The following FLI1 variants were observed in gnomAD, a reference collection of about 807,000 sequenced individuals.
The protein encoded by FLI1 is Fli-1 proto-oncogene, ETS transcription factor, also known as Friend leukemia integration 1 transcription factor.
FLI1 carries 13 observed loss-of-function variants against 53.1 expected under a neutral mutation model. The ratio of observed to expected loss-of-function variants is 0.24; its 90% CI spans 0.16 to 0.39. The LOEUF is 0.39. Among genes scored for constraint, FLI1 ranks in the 10% least tolerant of loss-of-function variants. The pLI, the probability that FLI1 is intolerant of heterozygous loss-of-function variation, is 1.00. For synonymous variants in FLI1, 244 were observed against 236.7 expected (o/e 1.03, Z -0.28); for missense variants, 424 against 600.5 (o/e 0.71, Z 3.07).
Position 128,811,691 on chromosome 11 carries a change from A to ATTT in FLI1, c.*716_*718dup. ...TGAAAGACGGGGAATTAAATTACTA[A>ATTT]TTTTTTTTTTTTTTTAAATGATGAC... On this transcript the variant is annotated 3_prime_UTR_variant, in exon 9 of 9. Transcript: ENST00000527786. The ATTT allele has an allele frequency of 1.1e-5, 2 of 183,148 alleles. No individual in the cohort carries two copies. The highest frequency in any genetic ancestry group is 2.3e-5 in the Non-Finnish European group (2 of 88,414). The allele number at this position is 183,148 out of a possible 1,614,324, so 11.3% of individuals were successfully genotyped here.
chr11:128,726,163 C>A (rs976094972), intron 1 of FLI1, among the ~76,000 whole-genome samples: 1 of 152,320 alleles, frequency 6.6e-6, no homozygotes, highest in South Asian at 2.1e-4. Flanking sequence ...TGAAGCATGA[C>A]TGGCAGACAT....
intron 5 of FLI1, among the ~76,000 whole-genome samples, chr11:128,785,562 T>A (rs1290463325): frequency 6.6e-6 from 1 of 152,186 alleles, no homozygotes; most frequent in East Asian, 1.9e-4. Context: ...AAATGTAACT[T>A]GGGCAAAGAT....
rs569924534 is a variant in FLI1 at position 128,812,762 on chromosome 11, G to A, written c.*1774G>A. 4 of 216,186 alleles carry A rather than the reference G, an allele frequency of 1.9e-5. No homozygotes were observed. The highest frequency in any genetic ancestry group is 3.7e-4 in the South Asian group (2 of 5,418). 13.4% of individuals were successfully genotyped at this position (216,186 alleles called of 1,614,324 possible). A position where few individuals can be genotyped will look rare whatever the true frequency, so the allele number is the denominator to read the frequency against. On this transcript the variant is annotated 3_prime_UTR_variant, in exon 9 of 9. Coordinates refer to ENST00000527786, the MANE Select transcript of FLI1 (RefSeq NM_002017.5). The stretch of plus-strand genomic sequence containing the variant: ...TCCCCTGGGCACTTCAGACCCAGAC[G>A]GCCACCTTCTGCCACTCCAGCAAAG...
intron 1 of FLI1, among the ~76,000 whole-genome samples, chr11:128,742,207 C>T (rs1940170121): frequency 6.6e-6 from 1 of 152,160 alleles, no homozygotes; most frequent in South Asian, 2.1e-4. Flanking sequence ...TTAGCCAGTT[C>T]CATGGAGGAA....
chr11:128,713,914 CA>C (rs1938897847), intron 1 of FLI1, among the ~76,000 whole-genome samples: 1 of 152,142 alleles, frequency 6.6e-6, no homozygotes, highest in African/African-American at 2.4e-5. Context: ...ATAGTCCCCC[CA>C]GGCATTATCT....
upstream of FLI1, chr11:128,686,424 C>T: frequency 2.2e-6 from 1 of 456,292 alleles, no homozygotes; most frequent in South Asian, 1.5e-5. Flanking sequence ...TTCTCACCGT[C>T]CCCTGGCCTG....
chr11:128,699,460 G>A (rs999874852), intron 1 of FLI1, among the ~76,000 whole-genome samples: 19 of 152,010 alleles, frequency 1.2e-4, no homozygotes, highest in African/African-American at 4.6e-4. Context: ...TGTCTGTTAC[G>A]TACACACAAA....
intron 1 of FLI1, among the ~76,000 whole-genome samples, chr11:128,723,913 G>A (rs1939359091): frequency 6.6e-6 from 1 of 151,092 alleles, no homozygotes; most frequent in South Asian, 2.1e-4. Flanking sequence ...ATTTATAGAG[G>A]AGGAGGAACA....
intron 1 of FLI1, among the ~76,000 whole-genome samples, chr11:128,728,270 C>T (rs1939561120): frequency 1.3e-5 from 2 of 152,252 alleles, no homozygotes; most frequent in Non-Finnish European, 2.9e-5. Flanking sequence ...TGGGAGGCAG[C>T]AGGGAGGGTC....
chr11:128,693,385 G>T (rs1387529811), upstream of FLI1: 1 of 153,170 alleles, frequency 6.5e-6, no homozygotes, highest in African/African-American at 2.4e-5. Context: ...TCTCGGCAGC[G>T]GAGGGCCTGA....
intron 1 of FLI1, among the ~76,000 whole-genome samples, chr11:128,687,268 G>T (rs942790156): frequency 2.0e-5 from 3 of 148,304 alleles, no homozygotes; most frequent in African/African-American, 4.9e-5. Context: ...AAGGGTTTTG[G>T]TTTTTTTTTT....
At chr11:128,721,282 C>T (rs1016979741) in intron 1 of FLI1, among the ~76,000 whole-genome samples, 2 of 152,178 alleles carry the variant, frequency 1.3e-5, no homozygotes, top group Non-Finnish European at 2.9e-5. Context: ...CCAGCCTGTA[C>T]TTGGCACCTC....
chr11:128,781,157 T>C (rs1941903194), intron 4 of FLI1, among the ~76,000 whole-genome samples: 1 of 152,256 alleles, frequency 6.6e-6, no homozygotes, highest in South Asian at 2.1e-4. Context: ...AACGCGTGAC[T>C]CCTCAGGTTC....
At chr11:128,715,857 G>C (rs1244913465) in intron 1 of FLI1, among the ~76,000 whole-genome samples, 1 of 152,228 alleles carries the variant, frequency 6.6e-6, no homozygotes, top group Non-Finnish European at 1.5e-5. Context: ...TAACATTAAT[G>C]ACAAGTGGAA....
chr11:128,735,035 T>G (rs1008491979), intron 1 of FLI1, among the ~76,000 whole-genome samples: 2 of 152,220 alleles, frequency 1.3e-5, no homozygotes, highest in African/African-American at 4.8e-5. Context: ...CTTCCCGCTT[T>G]ATGACCACGA....
At chr11:128,806,467 A>G (rs1942787035) in intron 6 of FLI1, 1 of 152,160 alleles carries the variant, frequency 6.6e-6, no homozygotes, top group South Asian at 2.1e-4. Context: ...GGAGCTTAGG[A>G]TGTGTGATGC....
chr11:128,801,363 G>A (rs1363570383), intron 5 of FLI1, among the ~76,000 whole-genome samples: 5 of 152,232 alleles, frequency 3.3e-5, no homozygotes, highest in Non-Finnish European at 5.9e-5. Context: ...ATCTCTGTGT[G>A]TATGTTGGGG....
intron 1 of FLI1, among the ~76,000 whole-genome samples, chr11:128,707,988 A>G (rs761500994): frequency 5.3e-5 from 8 of 152,222 alleles, no homozygotes; most frequent in Non-Finnish European, 1.2e-4. Flanking sequence ...AGACATTTGC[A>G]TGCTTAACTG....
upstream of FLI1, chr11:128,692,712 T>G (rs1470404807): frequency 2.0e-5 from 3 of 152,228 alleles, no homozygotes; most frequent in African/African-American, 7.2e-5. Flanking sequence ...GACTTGGATC[T>G]CCTCTGGATT....
Sources: allele counts gnomAD v4.1 joint callset (sites outside exome capture counted in the v4.1 genomes callset), GRCh38; gene constraint gnomAD v4.1.1; transcripts MANE v1.5; gene names NCBI Gene and HGNC (gene_info 2026-07-23, HGNC 2026-07-21).